BTBD9: variants seen among roughly 807,000 people sequenced by gnomAD.
The protein encoded by BTBD9 is BTB/POZ domain-containing protein 9.
BTBD9 carries 49 observed loss-of-function variants against 64.3 expected under a neutral mutation model. The observed-to-expected ratio is 0.76, with a 90% CI of 0.61 to 0.97. The LOEUF (loss-of-function observed/expected upper bound fraction) is 0.97. Ranked by LOEUF, BTBD9 falls within the 50% of genes least tolerant of loss-of-function variation. The pLI, the probability that BTBD9 is intolerant of heterozygous loss-of-function variation, is 0.00. For missense variants in BTBD9, 598 were observed against 762.1 expected (o/e 0.78, Z 2.53); for synonymous variants, 260 against 274.7 (o/e 0.95, Z 0.53).
chr6:38,605,427 C>A (rs928808591), intron 1 of BTBD9, among the ~76,000 whole-genome samples: 27 of 152,118 alleles, frequency 1.8e-4, no homozygotes, highest in African/African-American at 6.5e-4. Flanking sequence ...TTTGTGTCAT[C>A]AAATAAATAG....
chr6:38,276,426 C>T (rs563812973), intron 8 of BTBD9, among the ~76,000 whole-genome samples: 32 of 151,650 alleles, frequency 2.1e-4, no homozygotes, highest in South Asian at 1.0e-3. Context: ...TGCAGTACAC[C>T]GACATGGCAC....
chr6:38,205,940 G>T (rs957135511), intron 9 of BTBD9, among the ~76,000 whole-genome samples: 6 of 143,366 alleles, frequency 4.2e-5, no homozygotes, highest in African/African-American at 1.5e-4. Flanking sequence ...CAGAGAATGT[G>T]AAATGGAATA....
intron 6 of BTBD9, among the ~76,000 whole-genome samples, chr6:38,431,313 T>C (rs2127295544): frequency 6.6e-6 from 1 of 152,182 alleles, no homozygotes; most frequent in Non-Finnish European, 1.5e-5. Context: ...GCAGCAACAA[T>C]AGCTAACATT....
intron 6 of BTBD9, among the ~76,000 whole-genome samples, chr6:38,520,843 A>G (rs946025424): frequency 6.6e-5 from 10 of 152,144 alleles, no homozygotes; most frequent in African/African-American, 2.4e-4. Flanking sequence ...GCTACTTGGG[A>G]AGCTGAGATG....
intron 6 of BTBD9, among the ~76,000 whole-genome samples, chr6:38,562,851 T>C (rs1044500235): frequency 6.6e-6 from 1 of 152,216 alleles, no homozygotes; most frequent in Non-Finnish European, 1.5e-5. Context: ...GCTGGCTCAA[T>C]GGGTGTATGC....
chr6:38,498,606 T>C (rs966687252), intron 6 of BTBD9, among the ~76,000 whole-genome samples: 4 of 152,098 alleles, frequency 2.6e-5, no homozygotes, highest in African/African-American at 7.2e-5. Flanking sequence ...CCAAATCCAA[T>C]AGCAACAAAG....
intron 6 of BTBD9, among the ~76,000 whole-genome samples, chr6:38,354,388 A>G (rs1264428237): frequency 6.6e-6 from 1 of 152,168 alleles, no homozygotes; most frequent in Non-Finnish European, 1.5e-5. Context: ...TTGTATGTTC[A>G]TATATATAAT....
intron 6 of BTBD9, among the ~76,000 whole-genome samples, chr6:38,459,260 C>A (rs1216930266): frequency 6.6e-6 from 1 of 152,130 alleles, no homozygotes; most frequent in East Asian, 1.9e-4. Flanking sequence ...CTCAGGTGAT[C>A]CCCAGCCTCG....
At chr6:38,339,867 G>A (rs1036343794) in intron 7 of BTBD9, among the ~76,000 whole-genome samples, 1 of 152,260 alleles carries the variant, frequency 6.6e-6, no homozygotes, top group Admixed American at 6.5e-5. Context: ...ACTACACAGA[G>A]AATCGTTGCA....
chr6:38,504,091 C>T (rs982519788), intron 6 of BTBD9, among the ~76,000 whole-genome samples: 1 of 152,148 alleles, frequency 6.6e-6, no homozygotes, highest in African/African-American at 2.4e-5. Context: ...TAATCATTCC[C>T]TTGCAGAGTG....
At chr6:38,597,818 A>G in intron 2 of BTBD9, 92 bp downstream of exon 2, 1 of 1,065,562 alleles carries the variant, frequency 9.4e-7, no homozygotes, top group Non-Finnish European at 1.4e-6. Context: ...AGACTTTGTC[A>G]TTATACTTGG....
At chr6:38,576,054 T>A (rs115117544) in intron 6 of BTBD9, among the ~76,000 whole-genome samples, 120 of 152,360 alleles carry the variant, frequency 7.9e-4, no homozygotes, top group Non-Finnish European at 1.5e-3. Flanking sequence ...TGGCTGGTAT[T>A]ATTATATTCA....
At chr6:38,534,583 T>C (rs1437039314) in intron 6 of BTBD9, among the ~76,000 whole-genome samples, 1 of 150,356 alleles carries the variant, frequency 6.7e-6, no homozygotes, top group Non-Finnish European at 1.5e-5. Flanking sequence ...AAAAGAAAAC[T>C]ACAGGTCAAT....
At chr6:38,230,598 C>G (rs1408152244) in intron 9 of BTBD9, among the ~76,000 whole-genome samples, 3 of 149,382 alleles carry the variant, frequency 2.0e-5, no homozygotes, top group Non-Finnish European at 4.5e-5. Flanking sequence ...AAAATTCACA[C>G]TACTTACCAA....
intron 6 of BTBD9, among the ~76,000 whole-genome samples, chr6:38,418,784 T>C (rs577227019): frequency 6.6e-6 from 1 of 152,270 alleles, no homozygotes; most frequent in Non-Finnish European, 1.5e-5. Context: ...TTTACTCCCT[T>C]GGGGCAATAT....
chr6:38,176,933 C>A (rs1321208553), intron 10 of BTBD9, among the ~76,000 whole-genome samples: 1 of 152,200 alleles, frequency 6.6e-6, no homozygotes, highest in African/African-American at 2.4e-5. Context: ...AGAGTGCAGT[C>A]CCGGTCCTCA....
chr6:38,190,664 T>C (rs1025593743), intron 10 of BTBD9, among the ~76,000 whole-genome samples: 7 of 152,064 alleles, frequency 4.6e-5, no homozygotes, highest in African/African-American at 2.4e-5. Context: ...ACCAAAGTGG[T>C]TGGGGCCCCT....
chr6:38,489,784 G>C (rs1348295509), intron 6 of BTBD9, among the ~76,000 whole-genome samples: 1 of 152,060 alleles, frequency 6.6e-6, no homozygotes, highest in African/African-American at 2.4e-5. Context: ...TTTGTGAATT[G>C]TCTATTCCCA....
chr6:38,468,583 C>T (rs527970285), intron 6 of BTBD9, among the ~76,000 whole-genome samples: 234 of 152,310 alleles, frequency 1.5e-3, no homozygotes, highest in Non-Finnish European at 2.8e-3. Flanking sequence ...TTAATACATA[C>T]TGCTTTATTA....
Sources: gnomAD v4.1 joint callset for allele counts (sites outside exome capture counted in the v4.1 genomes callset) on GRCh38, gnomAD v4.1.1 for gene constraint, MANE v1.5 for transcripts, NCBI Gene and HGNC (gene_info 2026-07-23, HGNC 2026-07-21) for gene names.